Variants in SCAND3 observed in about 807,000 individuals in gnomAD.
The protein encoded by SCAND3 is SCAN domain containing 3.
the SCAND3 span, among the ~76,000 whole-genome samples, chr6:28,601,608 C>T: frequency 3.9e-5 from 6 of 152,090 alleles, no homozygotes; most frequent in Admixed American, 3.9e-4. Context: ...CAGCCTCCGC[C>T]TCTCAGGCTC....
At chr6:28,572,897 GTGT>G in the SCAND3 span, 1 of 1,613,926 alleles carries the variant, frequency 6.2e-7, no homozygotes. The surrounding 1 kb of genome is among the most constrained non-coding windows in gnomAD (Gnocchi z 4.1). Flanking sequence ...ATGAAGCAAT[GTGT>G]TGTTTTACAT....
the SCAND3 span, chr6:28,598,142 A>C: frequency 6.6e-6 from 1 of 152,134 alleles, no homozygotes; most frequent in African/African-American, 2.4e-5. Flanking sequence ...AGCAGGAGCC[A>C]GCTAGCTTGG....
chr6:28,573,968 A>G, the SCAND3 span: 5 of 1,128,652 alleles, frequency 4.4e-6, no homozygotes, highest in Non-Finnish European at 4.7e-6. Flanking sequence ...ATAAATGCCT[A>G]TATTTTCTCA....
chr6:28,613,938 G>A, the SCAND3 span, among the ~76,000 whole-genome samples: 4 of 151,882 alleles, frequency 2.6e-5, no homozygotes, highest in Admixed American at 1.3e-4. Flanking sequence ...TCACAGGGGC[G>A]GTTTAACAAT....
the SCAND3 span, among the ~76,000 whole-genome samples, chr6:28,584,712 A>G: frequency 2.0e-5 from 3 of 152,184 alleles, no homozygotes; most frequent in Non-Finnish European, 4.4e-5. Context: ...ATAAAAAGTA[A>G]AAATCTGAGC....
At chr6:28,577,402 C>T in the SCAND3 span, among the ~76,000 whole-genome samples, 1 of 152,156 alleles carries the variant, frequency 6.6e-6, no homozygotes, top group Non-Finnish European at 1.5e-5. Context: ...GCAGGGACCC[C>T]TCTTAGGGGC....
the SCAND3 span, among the ~76,000 whole-genome samples, chr6:28,602,956 ATTTT>A: frequency 1.1e-5 from 1 of 94,458 alleles, no homozygotes. Context: ...CCAAAAAAAA[ATTTT>A]TTTTTTTTTT....
chr6:28,575,978 T>C, the SCAND3 span: 4 of 1,613,770 alleles, frequency 2.5e-6, no homozygotes, highest in South Asian at 1.1e-5. This position sits in a 1 kb window ranked among gnomAD's most constrained non-coding sequence, Gnocchi z 4.2. Flanking sequence ...TTAGAAAATA[T>C]CTTAGTATTA....
At chr6:28,611,836 A>C in the SCAND3 span, among the ~76,000 whole-genome samples, 2 of 152,252 alleles carry the variant, frequency 1.3e-5, no homozygotes, top group Non-Finnish European at 2.9e-5. Context: ...CTGTATATAC[A>C]GTAGCAGTGA....
chr6:28,595,349 AAAAAAAGAAG>A, the SCAND3 span, among the ~76,000 whole-genome samples: 1 of 148,696 alleles, frequency 6.7e-6, no homozygotes, highest in Non-Finnish European at 1.5e-5. Flanking sequence ...AAAAAAAAAA[AAAAAAAGAAG>A]AAGAAGAAGA....
At chr6:28,611,962 T>G in the SCAND3 span, among the ~76,000 whole-genome samples, 1 of 152,196 alleles carries the variant, frequency 6.6e-6, no homozygotes, top group African/African-American at 2.4e-5. Context: ...TGGACAGGTA[T>G]GAGCATCCAG....
chr6:28,577,457 T>C, the SCAND3 span, among the ~76,000 whole-genome samples: 1 of 152,132 alleles, frequency 6.6e-6, no homozygotes, highest in Non-Finnish European at 1.5e-5. Context: ...ACAGAAAATC[T>C]TGAGTTCCTT....
the SCAND3 span, among the ~76,000 whole-genome samples, chr6:28,582,503 TG>T: frequency 6.6e-6 from 1 of 152,122 alleles, no homozygotes; most frequent in African/African-American, 2.4e-5. This position sits in a 1 kb window ranked among gnomAD's most constrained non-coding sequence, Gnocchi z 4.8. Flanking sequence ...AACATATGAA[TG>T]TATTAAAAAA....
chr6:28,589,308 C>T, the SCAND3 span: 1 of 152,166 alleles, frequency 6.6e-6, no homozygotes. Flanking sequence ...TCTTTCGGAT[C>T]GGAACTAGAA....
chr6:28,572,482 T>C, the SCAND3 span: 1 of 1,613,544 alleles, frequency 6.2e-7, no homozygotes, highest in Non-Finnish European at 8.5e-7. This position sits in a 1 kb window ranked among gnomAD's most constrained non-coding sequence, Gnocchi z 4.1. Context: ...CTTCTGTTTT[T>C]GTCCTTCAAC....
the SCAND3 span, among the ~76,000 whole-genome samples, chr6:28,601,756 A>G: frequency 6.6e-6 from 1 of 151,960 alleles, no homozygotes; most frequent in Non-Finnish European, 1.5e-5. Flanking sequence ...GAACTCCTGA[A>G]CTTCCGCCCA....
the SCAND3 span, among the ~76,000 whole-genome samples, chr6:28,592,320 AC>A: frequency 6.6e-6 from 1 of 152,202 alleles, no homozygotes. The surrounding 1 kb of genome is among the most constrained non-coding windows in gnomAD (Gnocchi z 4.1). Context: ...AATTAAGAAA[AC>A]AATCCCATTT....
the SCAND3 span, among the ~76,000 whole-genome samples, chr6:28,580,675 A>C: frequency 2.6e-5 from 4 of 152,212 alleles, no homozygotes; most frequent in Non-Finnish European, 4.4e-5. Flanking sequence ...CCTGCTGTTT[A>C]TAATTAAACA....
the SCAND3 span, among the ~76,000 whole-genome samples, chr6:28,593,040 A>G: frequency 6.6e-6 from 1 of 151,644 alleles, no homozygotes; most frequent in Non-Finnish European, 1.5e-5. Context: ...CCAAAGCACA[A>G]GCAACAGAAG....
Sources: allele counts gnomAD v4.1 joint callset (sites outside exome capture counted in the v4.1 genomes callset), GRCh38; gene constraint gnomAD v4.1.1; non-coding constraint Gnocchi (gnomAD v3.1); transcripts MANE v1.5; gene names NCBI Gene and HGNC (gene_info 2026-07-23, HGNC 2026-07-21).